DNAH7: variants seen among roughly 807,000 people sequenced by gnomAD.
The protein encoded by DNAH7 is dynein axonemal heavy chain 7.
Under a neutral mutation model 444.6 loss-of-function variants are expected in DNAH7, and 397 were observed. The observed-to-expected ratio is 0.89, with a 90% CI of 0.82 to 0.97. The LOEUF is 0.97. Among genes scored for constraint, DNAH7 ranks in the 50% least tolerant of loss-of-function variants. The pLI is 0.00. For synonymous variants in DNAH7, 1,636 were observed against 1,624.4 expected (o/e 1.01, Z -0.17); for missense variants, 4,902 against 4,800.8 (o/e 1.02, Z -0.62).
At chr2:196,051,273 A>C in intron 2 of DNAH7, 24 bp from the exon 3 acceptor site, 1 of 1,603,286 alleles carries the variant, frequency 6.2e-7, no homozygotes, top group Non-Finnish European at 8.5e-7. Context: ...ATGAAGGGGA[A>C]AAAAGTGTTT....
chr2:195,840,021 T>C (rs901630480), intron 47 of DNAH7, among the ~76,000 whole-genome samples: 1 of 151,752 alleles, frequency 6.6e-6, no homozygotes, highest in African/African-American at 2.4e-5. Flanking sequence ...GAGGCCAGCA[T>C]TACTCTGAAA....
At chr2:195,980,059 TACAAAAAA>T (rs1692463012) in intron 15 of DNAH7, among the ~76,000 whole-genome samples, 1 of 18,802 alleles carries the variant, frequency 5.3e-5, no homozygotes, top group African/African-American at 2.2e-4. Flanking sequence ...CTCAAACTAA[TACAAAAAA>T]AAAAAAAAAA....
At chr2:195,817,981 C>T in intron 49 of DNAH7, 152 bp from the exon 50 acceptor site, 1 of 535,218 alleles carries the variant, frequency 1.9e-6, no homozygotes, top group East Asian at 3.1e-5. Context: ...TGATTAACGA[C>T]ATAGGCAAAT....
chr2:195,891,713 G>A lies in DNAH7; in HGVS notation c.4988C>T (p.Ser1663Phe). The change falls in exon 31 of 65, where the codon TCC becomes TTC. Residue 1663 changes from serine (S) to phenylalanine (F), a missense_variant. Coordinates refer to ENST00000312428, the MANE Select transcript of DNAH7 (RefSeq NM_018897.3). The part of the protein sequence containing the change: ...GQLYGQFDSV[S>F]HEWSDGVLAV... ...AAGGACCCCATCAGACCATTCATGG[G>A]ACACTGAATCAAACTGTCCGTACAG... The A allele has an allele frequency of 6.2e-7, 1 of 1,607,640 alleles. No individual in the cohort carries two copies. Among genetic ancestry groups the A allele is most frequent in the Non-Finnish European group, 8.5e-7 (1 of 1,177,142 alleles).
At chr2:196,014,222 C>A (rs113364296) in intron 9 of DNAH7, among the ~76,000 whole-genome samples, 180 of 152,246 alleles carry the variant, frequency 1.2e-3, no homozygotes, top group African/African-American at 4.3e-3. Context: ...TAGTTTAAAT[C>A]ATTGGTTTAA....
intron 42 of DNAH7, among the ~76,000 whole-genome samples, chr2:195,859,139 A>G (rs1260911852): frequency 6.6e-6 from 1 of 152,220 alleles, no homozygotes; most frequent in African/African-American, 2.4e-5. Context: ...TAAAGTTGGT[A>G]AGTTGATCCC....
intron 2 of DNAH7, 25 bp downstream of exon 2, chr2:196,058,029 G>A: frequency 6.9e-7 from 1 of 1,456,448 alleles, no homozygotes; most frequent in Non-Finnish European, 9.2e-7. Flanking sequence ...AAGGAATGAA[G>A]TATGATGGTA....
At chr2:195,919,733 A>G (rs1687910885) in intron 24 of DNAH7, among the ~76,000 whole-genome samples, 2 of 152,200 alleles carry the variant, frequency 1.3e-5, no homozygotes, top group South Asian at 4.1e-4. Context: ...CTACATGTGA[A>G]GAACTGAGAA....
At position 195,857,383 on chromosome 2, in the gene DNAH7, T is replaced by A; in HGVS notation, c.8408A>T (p.Tyr2803Phe). The A allele has an allele frequency of 6.4e-7, 1 of 1,571,258 alleles. No individual in the cohort carries two copies. Residue 2803 changes from tyrosine (Y) to phenylalanine (F), a missense_variant, in exon 44 of 65, where the codon TAT becomes TTT. Physicochemically the swap from Tyr to Phe is conservative, Grantham distance 22. Coordinates refer to ENST00000312428, the MANE Select transcript of DNAH7 (RefSeq NM_018897.3). ...LCKWVIAMDSYDKVAKIVAPK... is the reference protein window; with the variant it reads ...LCKWVIAMDSFDKVAKIVAPK... ...TCTTTTTATCAGCACTTACTTATCA[T>A]ATGAATCCATTGCTATGACCCATTT...
At chr2:195,807,709 A>C (rs1362685991) in intron 53 of DNAH7, among the ~76,000 whole-genome samples, 1 of 152,176 alleles carries the variant, frequency 6.6e-6, no homozygotes, top group Non-Finnish European at 1.5e-5. Context: ...GTGGGGAAAA[A>C]AGGAAACGTG....
chr2:195,792,567 G>C (rs1333443778), intron 57 of DNAH7, among the ~76,000 whole-genome samples: 1 of 152,048 alleles, frequency 6.6e-6, no homozygotes, highest in East Asian at 1.9e-4. Context: ...CTGAATACTA[G>C]ACCAATGCTG....
chr2:195,915,459 C>A (rs997524905), intron 24 of DNAH7, among the ~76,000 whole-genome samples: 2 of 152,072 alleles, frequency 1.3e-5, no homozygotes, highest in African/African-American at 4.8e-5. Flanking sequence ...TTATATTGCA[C>A]CTCATATACT....
chr2:195,922,314 T>C, intron 23 of DNAH7, 117 bp from the exon 24 acceptor site: 1 of 612,234 alleles, frequency 1.6e-6, no homozygotes, highest in East Asian at 2.8e-5. Flanking sequence ...ACTTTTCAGG[T>C]GTCATTTGAT....
chr2:195,922,014 T>C (rs2125350164), intron 24 of DNAH7, 74 bp downstream of exon 24: 6 of 843,350 alleles, frequency 7.1e-6, no homozygotes, highest in South Asian at 6.2e-5. Context: ...GACAATTTGG[T>C]ATTTTTAAAT....
chr2:195,792,286 T>A (rs1016347643), intron 57 of DNAH7, among the ~76,000 whole-genome samples: 1 of 148,728 alleles, frequency 6.7e-6, no homozygotes, highest in Non-Finnish European at 1.5e-5. Flanking sequence ...GGTGACAGGA[T>A]CATTCATATC....
intron 60 of DNAH7, among the ~76,000 whole-genome samples, chr2:195,773,012 C>G (rs998525629): frequency 6.6e-6 from 1 of 152,064 alleles, no homozygotes; most frequent in Non-Finnish European, 1.5e-5. Flanking sequence ...AACTCCTGGC[C>G]TCAGGTGATC....
At chr2:195,778,634 AAATAAATAAATAT>A (rs1695199460) in intron 58 of DNAH7, among the ~76,000 whole-genome samples, 1 of 14,058 alleles carries the variant, frequency 7.1e-5, no homozygotes, top group African/African-American at 2.7e-4. Context: ...AAAAAAAAAT[AAATAAATAAATAT>A]ATATATATAT....
chr2:195,965,835 C>T (rs184437187), intron 17 of DNAH7, among the ~76,000 whole-genome samples: 1 of 152,020 alleles, frequency 6.6e-6, no homozygotes, highest in East Asian at 1.9e-4. Context: ...TTCGATTTTA[C>T]TCATTTGGGT....
chr2:195,897,919 GAA>G (rs1559199909), intron 28 of DNAH7, among the ~76,000 whole-genome samples, 154 bp from the exon 29 acceptor site: 2 of 151,970 alleles, frequency 1.3e-5, no homozygotes, highest in Non-Finnish European at 2.9e-5. Context: ...ATGAATTTTA[GAA>G]ACTGACATTT....
Sources: gnomAD v4.1 joint callset for allele counts (sites outside exome capture counted in the v4.1 genomes callset) on GRCh38, gnomAD v4.1.1 for gene constraint, MANE v1.5 for transcripts, NCBI Gene and HGNC (gene_info 2026-07-23, HGNC 2026-07-21) for gene names.